Variants in RGS20 observed in about 807,000 individuals in gnomAD.
The protein encoded by RGS20 is gz-selective GTPase-activating protein.
A neutral mutation model predicts 33.6 loss-of-function variants in RGS20; 30 were observed. The observed-to-expected ratio is 0.89, with a 90% CI of 0.67 to 1.21. The LOEUF (loss-of-function observed/expected upper bound fraction) is 1.21, where lower values mean the gene tolerates loss of function less well. Ranked by LOEUF, RGS20 falls within the 50% of genes most tolerant of loss-of-function variation. The pLI, the probability that RGS20 is intolerant of heterozygous loss-of-function variation, is 0.00. For missense variants in RGS20, 472 were observed against 502.4 expected (o/e 0.94, Z 0.58); for synonymous variants, 208 against 197.9 (o/e 1.05, Z -0.43).
intron 2 of RGS20, among the ~76,000 whole-genome samples, chr8:53,885,936 C>T (rs1287984280): frequency 6.6e-6 from 1 of 152,040 alleles, no homozygotes; most frequent in African/African-American, 2.4e-5. Context: ...TAGCATGCTC[C>T]CAAGCCAGTT....
At chr8:53,944,778 C>A (rs1385848442) in intron 3 of RGS20, among the ~76,000 whole-genome samples, 1 of 151,990 alleles carries the variant, frequency 6.6e-6, no homozygotes, top group African/African-American at 2.4e-5. Context: ...TAATAAAATG[C>A]AAATAAATCA....
chr8:53,856,383 T>C lies in RGS20; in HGVS notation c.165+4319T>C, dbSNP rs143660750. On this transcript the variant is annotated intron_variant, in intron 1 of 5. Transcript: ENST00000297313. The stretch of plus-strand genomic sequence containing the variant: ...AACGTCCACAATTACCCCCAGCTAC[T>C]TTTTTTTGTATTTTTAGTACAGACA... 1.6e-3 allele frequency among the ~76,000 whole-genome samples: 250 copies of C among 151,938 alleles called. 1 individual carries two copies. Among genetic ancestry groups the C allele is most frequent in the South Asian group, 2.9e-3 (14 of 4,800 alleles).
intron 3 of RGS20, among the ~76,000 whole-genome samples, chr8:53,945,848 C>A (rs1312226709): frequency 6.6e-6 from 1 of 150,680 alleles, no homozygotes; most frequent in East Asian, 1.9e-4. Context: ...GATTGCGCCA[C>A]AGCACTGCAG....
chr8:53,913,175 A>T (rs2129284198), intron 2 of RGS20, among the ~76,000 whole-genome samples: 1 of 152,262 alleles, frequency 6.6e-6, no homozygotes, highest in African/African-American at 2.4e-5. Context: ...CATGTTAGTC[A>T]GGCTAGTATC....
In RGS20 at chr8:53,858,526, A is replaced by G. The variant is rs144714945; in HGVS notation, c.165+6462A>G. On this transcript the variant is annotated intron_variant, in intron 1 of 5. Transcript: ENST00000297313. ...TACACACACACACACATCCTTTTAA[A>G]AACCTCTATGTACACATACCCGAAA... Among the ~76,000 whole-genome samples the G allele has an allele frequency of 6.2e-3, 943 of 152,242 alleles. 5 individuals carry two copies. Among genetic ancestry groups the G allele is most frequent in the Non-Finnish European group, 0.011 (732 of 68,030 alleles).
chr8:53,953,089 A>C (rs1003730508), intron 4 of RGS20, among the ~76,000 whole-genome samples: 10 of 152,228 alleles, frequency 6.6e-5, no homozygotes, highest in African/African-American at 1.4e-4. Context: ...AAGGGATGAC[A>C]AATTACCTAA....
intron 1 of RGS20, among the ~76,000 whole-genome samples, chr8:53,856,056 G>A (rs1202566738): frequency 1.3e-5 from 2 of 152,186 alleles, no homozygotes; most frequent in South Asian, 2.1e-4. Context: ...GTAGTTTCCT[G>A]GGCTTGAAGT....
intron 2 of RGS20, among the ~76,000 whole-genome samples, chr8:53,905,070 GA>G (rs1276261089): frequency 1.5e-4 from 23 of 152,292 alleles, no homozygotes; most frequent in African/African-American, 5.3e-4. Flanking sequence ...ATAAGTCACT[GA>G]AAAACAGATG....
chr8:53,879,406 C>T lies in RGS20; in HGVS notation c.314C>T (p.Ser105Phe). The T allele has an allele frequency of 1.2e-6, 2 of 1,609,876 alleles. No individual in the cohort carries two copies. The highest frequency in any genetic ancestry group is 1.7e-6 in the Non-Finnish European group (2 of 1,179,022). ...GCTCCCCGGAGGCGCCTGGACTTCT[C>T]CCCCCTGCTTCCCGCCCTGCCGGCC... The change falls in exon 2 of 6, where the codon TCC (serine) becomes TTC (phenylalanine). Residue 105 changes from serine (S) to phenylalanine (F), a missense_variant. By Grantham distance (155) the Ser-to-Phe change is radical. Around this residue, in one of 3 missense-constraint regions of RGS20, gnomAD observed 319 missense variants for 283.4 expected, o/e 1.13. Transcript: ENST00000297313.
chr8:53,861,160 A>T (rs1450059560), intron 1 of RGS20, among the ~76,000 whole-genome samples: 1 of 152,154 alleles, frequency 6.6e-6, no homozygotes, highest in Non-Finnish European at 1.5e-5. Context: ...TCTATCACCC[A>T]CAAGCTTTGT....
At chr8:53,943,061 CA>C (rs1259063922) in intron 3 of RGS20, among the ~76,000 whole-genome samples, 1 of 151,946 alleles carries the variant, frequency 6.6e-6, no homozygotes, top group Admixed American at 6.6e-5. Context: ...TACATAATTA[CA>C]TTTATACTAT....
intron 4 of RGS20, 143 bp from the exon 4 acceptor site, chr8:53,953,933 A>G: frequency 1.4e-6 from 1 of 695,904 alleles, no homozygotes; most frequent in South Asian, 1.7e-5. Flanking sequence ...AGGAAATGCG[A>G]ACAGTTCTTT....
chr8:53,873,695 G>C (rs928116949), intron 1 of RGS20, among the ~76,000 whole-genome samples: 2 of 152,152 alleles, frequency 1.3e-5, no homozygotes, highest in African/African-American at 4.8e-5. Context: ...ATAAGTGAAA[G>C]AGACAAAATT....
intron 2 of RGS20, among the ~76,000 whole-genome samples, chr8:53,893,991 A>T (rs1192595845): frequency 2.7e-5 from 4 of 150,456 alleles, no homozygotes; most frequent in Admixed American, 2.0e-4. Flanking sequence ...AAAGGCATTT[A>T]TGAAAAGTAT....
At position 53,920,874 on chromosome 8, in the gene RGS20, T is replaced by C. The variant is rs1344532310; in HGVS notation, c.511-18702T>C. On this transcript the variant is annotated intron_variant, in intron 2 of 5. Transcript: ENST00000297313. The stretch of plus-strand genomic sequence containing the variant: ...CCTGGGCTCAAGCGATTCTCCTGCC[T>C]CAGCCTCCTGAGTAGCTGGGATTAC... 5.9e-5 allele frequency among the ~76,000 whole-genome samples: 9 copies of C among 152,342 alleles called. No homozygotes were observed. The East Asian group carries it at 1.7e-3, about 29-fold the overall frequency.
chr8:53,866,111 G>A (rs184639048), intron 1 of RGS20, among the ~76,000 whole-genome samples: 191 of 152,244 alleles, frequency 1.3e-3, no homozygotes, highest in Non-Finnish European at 2.4e-3. Flanking sequence ...AGAAGAAGAG[G>A]TAACTGGAGA....
At chr8:53,910,787 A>G (rs994994428) in intron 2 of RGS20, among the ~76,000 whole-genome samples, 4 of 152,254 alleles carry the variant, frequency 2.6e-5, no homozygotes, top group African/African-American at 9.6e-5. Flanking sequence ...GACCAGGTGA[A>G]TCTCAAAAGC....
At chr8:53,929,851 A>G (rs1813905524) in intron 2 of RGS20, among the ~76,000 whole-genome samples, 1 of 152,216 alleles carries the variant, frequency 6.6e-6, no homozygotes, top group Non-Finnish European at 1.5e-5. Flanking sequence ...CTTATGACAT[A>G]GGGCTAGAGA....
intron 2 of RGS20, among the ~76,000 whole-genome samples, chr8:53,939,151 C>T (rs1814215982): frequency 6.6e-6 from 1 of 152,208 alleles, no homozygotes; most frequent in African/African-American, 2.4e-5. Flanking sequence ...TGTTGACCTC[C>T]TCCCATATCT....
Sources: allele counts gnomAD v4.1 joint callset (sites outside exome capture counted in the v4.1 genomes callset), GRCh38; gene constraint gnomAD v4.1.1; regional missense constraint gnomAD v4.1.1; transcripts MANE v1.5; gene names NCBI Gene and HGNC (gene_info 2026-07-23, HGNC 2026-07-21).